Variants in NRG3 observed in about 807,000 individuals in gnomAD.
The protein encoded by NRG3 is pro-neuregulin-3, membrane-bound isoform.
Under a neutral mutation model 66.9 loss-of-function variants are expected in NRG3, and 31 were observed. The observed-to-expected ratio is 0.46, with a 90% CI of 0.35 to 0.63. The LOEUF is 0.63. Among genes scored for constraint, NRG3 ranks in the 20% least tolerant of loss-of-function variants. NRG3 has a pLI of 0.00. For synonymous variants in NRG3, 393 were observed against 359.4 expected, an observed-to-expected ratio of 1.09 and a Z score of -1.06; for missense variants, 910 against 878.9, an observed-to-expected ratio of 1.04 and a Z score of -0.45.
At chr10:82,171,629 T>C (rs959745685) in intron 1 of NRG3, among the ~76,000 whole-genome samples, 8 of 152,122 alleles carry the variant, frequency 5.3e-5, no homozygotes, top group Non-Finnish European at 8.8e-5. Context: ...ATTTCTTCCA[T>C]GTAGGAGTAG....
rs527634639 is a variant in NRG3, at chr10:82,267,737, C to T, written c.824-91002C>T. The stretch of plus-strand genomic sequence containing the variant: ...GTGCTGGATGAGGTCATTAGATTTG[C>T]GTCCTAATGGAAACCTATTACTCAG... On this transcript the variant is annotated intron_variant, in intron 1 of 8. Coordinates refer to ENST00000372141, the MANE Select transcript of NRG3 (RefSeq NM_001010848.4). Among the ~76,000 whole-genome samples the T allele has an allele frequency of 7.9e-5, 12 of 152,202 alleles. No individual in the cohort carries two copies. In the East Asian group the frequency reaches 1.7e-3, roughly 22 times the overall value.
chr10:82,779,473 T>A (rs1310250911), intron 3 of NRG3, among the ~76,000 whole-genome samples: 5 of 152,062 alleles, frequency 3.3e-5, no homozygotes, highest in Non-Finnish European at 2.9e-5. Context: ...AAAATATAGT[T>A]ATTCATTTGT....
intron 1 of NRG3, among the ~76,000 whole-genome samples, chr10:82,237,427 A>G (rs1219836163): frequency 6.6e-6 from 1 of 152,052 alleles, no homozygotes; most frequent in Non-Finnish European, 1.5e-5. Flanking sequence ...TCTTACAACA[A>G]TTTGTAATTT....
intron 3 of NRG3, among the ~76,000 whole-genome samples, chr10:82,760,117 G>A (rs2059244420): frequency 6.6e-6 from 1 of 152,102 alleles, no homozygotes; most frequent in African/African-American, 2.4e-5. Flanking sequence ...CTGTGGCTTG[G>A]AGGTTTAATT....
At chr10:81,998,208 A>T (rs1438553317) in intron 1 of NRG3, among the ~76,000 whole-genome samples, 2 of 152,304 alleles carry the variant, frequency 1.3e-5, no homozygotes, top group East Asian at 1.9e-4. Context: ...AATGTGATTA[A>T]ACTTGTGTCT....
intron 1 of NRG3, among the ~76,000 whole-genome samples, chr10:81,981,903 T>G (rs895630682): frequency 5.9e-5 from 9 of 152,226 alleles, no homozygotes; most frequent in Non-Finnish European, 5.9e-5. Flanking sequence ...TATTTATTCC[T>G]GGCTTCTGCT....
chr10:82,170,258 T>C (rs1026450483), intron 1 of NRG3, among the ~76,000 whole-genome samples: 3 of 152,014 alleles, frequency 2.0e-5, no homozygotes, highest in Non-Finnish European at 4.4e-5. Context: ...AAAAATGGCA[T>C]GGGTGAGAAA....
At chr10:82,218,508 A>G (rs2075792836) in intron 1 of NRG3, among the ~76,000 whole-genome samples, 2 of 152,204 alleles carry the variant, frequency 1.3e-5, no homozygotes, top group South Asian at 2.1e-4. Flanking sequence ...TACAGCGTCT[A>G]TAACATATCC....
chr10:81,942,230 A>C (rs886918724), intron 1 of NRG3, among the ~76,000 whole-genome samples: 1 of 152,134 alleles, frequency 6.6e-6, no homozygotes, highest in African/African-American at 2.4e-5. Context: ...TTTCCTCCAC[A>C]TAACAGAAAT....
rs531220119 is a variant in NRG3, at chr10:82,811,609, C to T, written c.1028-53802C>T. ...ATACACCAATTTGGGCTGCACATGCCGAGGTTAGTCCATTCATCATCTTTA... is the reference window on the plus strand; with the variant it reads ...ATACACCAATTTGGGCTGCACATGCTGAGGTTAGTCCATTCATCATCTTTA... On this transcript the variant is annotated intron_variant, in intron 3 of 8. Coordinates refer to ENST00000372141, the MANE Select transcript of NRG3 (RefSeq NM_001010848.4). Among the ~76,000 whole-genome samples, 349 of 152,220 alleles carry T rather than the reference C, an allele frequency of 2.3e-3. 1 individual carries two copies. Among genetic ancestry groups the T allele is most frequent in the Non-Finnish European group, 2.8e-3 (190 of 68,012 alleles).
rs1318674239 is a variant in NRG3 at position 82,378,477 on chromosome 10, A to G, written c.953+19609A>G. On this transcript the variant is annotated intron_variant, in intron 2 of 8. Coordinates refer to ENST00000372141, the MANE Select transcript of NRG3 (RefSeq NM_001010848.4). ...GCCTGGATCCCTGTAACTTAGGGAA[A>G]GAGTTGATGGAATTTTCTTTCTTTG... 2.0e-5 allele frequency among the ~76,000 whole-genome samples: 3 copies of G among 152,272 alleles called. No individual in the cohort carries two copies. The East Asian group carries it at 5.8e-4, about 29-fold the overall frequency.
At chr10:82,305,217 A>G (rs546306733) in intron 1 of NRG3, among the ~76,000 whole-genome samples, 2 of 151,716 alleles carry the variant, frequency 1.3e-5, no homozygotes, top group South Asian at 4.2e-4. Flanking sequence ...GGATGGTCTC[A>G]ATCTCCTGAC....
intron 3 of NRG3, among the ~76,000 whole-genome samples, chr10:82,761,948 C>CTTTCTTTCTCTCT (rs1565287292): frequency 3.3e-4 from 42 of 126,648 alleles, no homozygotes; most frequent in African/African-American, 1.2e-3. Context: ...TTCTTTCTTT[C>CTTTCTTTCTCTCT]TTTCTTTCTT....
chr10:82,080,045 ACAGT>A (rs954343994), intron 1 of NRG3, among the ~76,000 whole-genome samples: 3 of 152,190 alleles, frequency 2.0e-5, no homozygotes, highest in Non-Finnish European at 4.4e-5. Flanking sequence ...TCACAAAAGA[ACAGT>A]CAGTACCGGG....
At chr10:82,237,940 T>A (rs1295620791) in intron 1 of NRG3, among the ~76,000 whole-genome samples, 1 of 152,118 alleles carries the variant, frequency 6.6e-6, no homozygotes, top group Non-Finnish European at 1.5e-5. Context: ...CACAGCAAAG[T>A]GTAATAAGAA....
intron 2 of NRG3, among the ~76,000 whole-genome samples, chr10:82,444,894 C>A (rs1201917986): frequency 1.3e-5 from 2 of 152,040 alleles, no homozygotes; most frequent in African/African-American, 2.4e-5. Context: ...AATACAGAAC[C>A]AACAAAGATG....
intron 3 of NRG3, among the ~76,000 whole-genome samples, chr10:82,832,968 T>C (rs558080117): frequency 6.6e-6 from 1 of 152,226 alleles, no homozygotes; most frequent in South Asian, 2.1e-4. Flanking sequence ...CAAACCCAGG[T>C]AGACTGTTTT....
chr10:81,935,595 A>T (rs1847780301), intron 1 of NRG3, among the ~76,000 whole-genome samples: 1 of 152,140 alleles, frequency 6.6e-6, no homozygotes, highest in South Asian at 2.1e-4. Context: ...ACAACAAAGA[A>T]ACTGTGGATA....
chr10:82,293,243 G>A (rs993139621), intron 1 of NRG3, among the ~76,000 whole-genome samples: 3 of 151,998 alleles, frequency 2.0e-5, no homozygotes, highest in South Asian at 2.1e-4. Context: ...GTACTTAGAC[G>A]GCAGTATAAA....
Sources: allele counts gnomAD v4.1 joint callset (sites outside exome capture counted in the v4.1 genomes callset), GRCh38; gene constraint gnomAD v4.1.1; transcripts MANE v1.5; gene names NCBI Gene and HGNC (gene_info 2026-07-23, HGNC 2026-07-21).